The following DSCAML1 variants were observed in gnomAD, a reference collection of about 807,000 sequenced individuals.
DSCAML1 encodes DS cell adhesion molecule like 1, also known as cell adhesion molecule DSCAML1.
A neutral mutation model predicts 200.5 loss-of-function variants in DSCAML1; 38 were observed. The ratio of observed to expected loss-of-function variants is 0.19; its 90% confidence interval spans 0.15 to 0.25. DSCAML1 has a LOEUF of 0.25. Among genes scored for constraint, DSCAML1 ranks in the 10% least tolerant of loss-of-function variants. DSCAML1 has a pLI of 1.00. For missense variants in DSCAML1, 2,223 were observed against 2,858.8 expected (o/e 0.78, Z 5.07); for synonymous variants, 1,215 against 1,165.0 (o/e 1.04, Z -0.87).
chr11:117,816,203 C>T (rs1164979427), intron 1 of DSCAML1, among the ~76,000 whole-genome samples: 2 of 152,208 alleles, frequency 1.3e-5, no homozygotes, highest in African/African-American at 4.8e-5. Context: ...TGAGTCTGGG[C>T]CCAGGCTTTC....
chr11:117,579,789 T>A (rs2051009602), intron 3 of DSCAML1, among the ~76,000 whole-genome samples: 1 of 152,232 alleles, frequency 6.6e-6, no homozygotes, highest in South Asian at 2.1e-4. Context: ...TGTAGATGCT[T>A]AATAAATATT....
In DSCAML1 at chr11:117,503,723, G is replaced by A. The variant is rs965038598; in HGVS notation, c.2359+122C>T. The stretch of plus-strand genomic sequence containing the variant: ...TCCCAAGGCCACCTCTCACTAGGAA[G>A]CCTTCCTGCCTCCCCTTCATAGATG... On this transcript the variant is annotated intron_variant, in intron 11 of 32. Coordinates refer to ENST00000651296, the MANE Select transcript of DSCAML1 (RefSeq NM_020693.4). This position sits in a 1 kb window ranked among gnomAD's most constrained non-coding sequence, Gnocchi z 5.2. 52 of 1,170,872 alleles carry A rather than the reference G, an allele frequency of 4.4e-5. No homozygotes were observed. Among genetic ancestry groups the A allele is most frequent in the Non-Finnish European group, 5.9e-5 (50 of 847,144 alleles). The allele number at this position is 1,170,872 out of a possible 1,614,324, so 72.5% of individuals were successfully genotyped here. A position where few individuals can be genotyped will look rare whatever the true frequency, so the allele number is the denominator to read the frequency against.
intron 11 of DSCAML1, among the ~76,000 whole-genome samples, chr11:117,500,518 T>C (rs1230386114): frequency 6.8e-6 from 1 of 148,134 alleles, no homozygotes; most frequent in Non-Finnish European, 1.5e-5. Context: ...CACAAAGTAC[T>C]ACACAGTAAT....
At chr11:117,517,362 A>T (rs1251766259) in intron 7 of DSCAML1, among the ~76,000 whole-genome samples, 1 of 152,110 alleles carries the variant, frequency 6.6e-6, no homozygotes, top group East Asian at 1.9e-4. Context: ...GGCAGATGGC[A>T]ATCTAGGGGA....
intron 1 of DSCAML1, among the ~76,000 whole-genome samples, chr11:117,793,529 A>G (rs1261281376): frequency 6.6e-6 from 1 of 152,160 alleles, no homozygotes; most frequent in Non-Finnish European, 1.5e-5. Flanking sequence ...AAGGTCAGGA[A>G]GGCTTGAGGT....
intron 8 of DSCAML1, among the ~76,000 whole-genome samples, chr11:117,512,638 G>A (rs554242244): frequency 6.3e-4 from 37 of 58,488 alleles, no homozygotes; most frequent in African/African-American, 2.1e-3. Context: ...GCATGCAAGC[G>A]TGTGTACACA....
At chr11:117,633,364 A>C (rs955995735) in intron 3 of DSCAML1, among the ~76,000 whole-genome samples, 1 of 152,094 alleles carries the variant, frequency 6.6e-6, no homozygotes, top group Admixed American at 6.5e-5. Flanking sequence ...CAAGAGCTGG[A>C]GGGGTAGGGA....
intron 27 of DSCAML1, among the ~76,000 whole-genome samples, chr11:117,435,181 A>G (rs2047888103): frequency 1.3e-5 from 2 of 152,238 alleles, no homozygotes; most frequent in Non-Finnish European, 2.9e-5. Flanking sequence ...GATAATATTC[A>G]AAATATTTAA....
In DSCAML1 at chr11:117,511,243, T is replaced by C. The variant is rs1159549941; in HGVS notation, c.1783+5224A>G. On this transcript the variant is annotated intron_variant, in intron 8 of 32. Transcript: ENST00000651296. Reference sequence around the variant, plus strand: ...GTGGGTGAGTATGTCCCTCTTCCACTTGTCCTCCACAGAAGCCTGGCACCA... The same window carrying C: ...GTGGGTGAGTATGTCCCTCTTCCACCTGTCCTCCACAGAAGCCTGGCACCA... Among the ~76,000 whole-genome samples, 5 of 152,064 alleles carry C rather than the reference T, an allele frequency of 3.3e-5. No individual in the cohort carries two copies. The South Asian group carries it at 1.0e-3, about 32-fold the overall frequency.
chr11:117,769,789 G>A (rs75459865), intron 3 of DSCAML1, among the ~76,000 whole-genome samples: 1 of 151,540 alleles, frequency 6.6e-6, no homozygotes, highest in African/African-American at 2.4e-5. Flanking sequence ...CTGAGAAGGT[G>A]AAACAAGCTA....
chr11:117,687,092 G>C (rs1027069830), intron 3 of DSCAML1, among the ~76,000 whole-genome samples: 3 of 152,222 alleles, frequency 2.0e-5, no homozygotes, highest in Non-Finnish European at 4.4e-5. Context: ...GTGGATGGGG[G>C]CAGGCAGAAG....
At chr11:117,757,150 A>G (rs774564475) in intron 3 of DSCAML1, among the ~76,000 whole-genome samples, 76 of 152,328 alleles carry the variant, frequency 5.0e-4, no homozygotes, top group Admixed American at 1.2e-3. Flanking sequence ...ACTCCCTGAA[A>G]AAGCAAAAAA....
At position 117,535,427 on chromosome 11, in the gene DSCAML1, C is replaced by T. The variant is rs1293750461; in HGVS notation, c.512-2905G>A. ...TGGAACCTAGAGTTTGTGGACACCC[C>T]GCTCTGCCCGGCTCCAGCACACAGA... On this transcript the variant is annotated intron_variant, in intron 3 of 32. Transcript: ENST00000651296. Among the ~76,000 whole-genome samples, 7 of 152,296 alleles carry T rather than the reference C, an allele frequency of 4.6e-5. 1 individual carries two copies. Among genetic ancestry groups the T allele is most frequent in the South Asian group, 4.2e-4 (2 of 4,818 alleles).
At chr11:117,799,734 T>C (rs77986812), upstream of DSCAML1, among the ~76,000 whole-genome samples, 1,788 of 152,326 alleles carry the variant, frequency 0.012, 25 homozygotes, top group African/African-American at 0.04. Context: ...AATGTATGTG[T>C]GCCAAGCTGC....
At chr11:117,513,821 G>T (rs12277977) in intron 8 of DSCAML1, among the ~76,000 whole-genome samples, 1 of 151,332 alleles carries the variant, frequency 6.6e-6, no homozygotes, top group African/African-American at 2.4e-5. Flanking sequence ...TCAGCCTAAT[G>T]TCTCAGTTTC....
In DSCAML1 at chr11:117,627,273, C is replaced by T. The variant is rs534592599; in HGVS notation, c.512-94751G>A. Among the ~76,000 whole-genome samples, 336 of 152,234 alleles carry T rather than the reference C, an allele frequency of 2.2e-3. 1 individual carries two copies. The highest frequency in any genetic ancestry group is 7.9e-3 in the African/African-American group (328 of 41,552). On this transcript the variant is annotated intron_variant, in intron 3 of 32. Transcript: ENST00000651296. ...TCTGCTAAGACACTGTTAGAGGTTACAAGTAACCCCGCCTCTTCTTCTCCC... is the reference window on the plus strand; with the variant it reads ...TCTGCTAAGACACTGTTAGAGGTTATAAGTAACCCCGCCTCTTCTTCTCCC...
chr11:117,685,499 G>A (rs2053388551), intron 3 of DSCAML1, among the ~76,000 whole-genome samples: 1 of 152,158 alleles, frequency 6.6e-6, no homozygotes, highest in Admixed American at 6.5e-5. Flanking sequence ...GGGCACATAT[G>A]CCCCCAGGGG....
chr11:117,635,939 C>A (rs2052273677), intron 3 of DSCAML1, among the ~76,000 whole-genome samples: 1 of 152,154 alleles, frequency 6.6e-6, no homozygotes, highest in Non-Finnish European at 1.5e-5. Flanking sequence ...GAGTCCCATT[C>A]CCACACCCCT....
intron 3 of DSCAML1, among the ~76,000 whole-genome samples, chr11:117,538,570 G>A (rs759353756): frequency 1.3e-5 from 2 of 152,232 alleles, no homozygotes; most frequent in African/African-American, 2.4e-5. Flanking sequence ...CCTGCACACA[G>A]GTGTTAAGTG....
Sources: allele counts gnomAD v4.1 joint callset (sites outside exome capture counted in the v4.1 genomes callset), GRCh38; gene constraint gnomAD v4.1.1; non-coding constraint Gnocchi (gnomAD v3.1); transcripts MANE v1.5; gene names NCBI Gene and HGNC (gene_info 2026-07-23, HGNC 2026-07-21).